The following PDZRN3 variants were observed in gnomAD, a reference collection of about 807,000 sequenced individuals.
PDZRN3 encodes the protein E3 ubiquitin-protein ligase PDZRN3.
A neutral mutation model predicts 85.7 loss-of-function variants in PDZRN3; 38 were observed. The ratio of observed to expected loss-of-function variants is 0.44; its 90% CI spans 0.34 to 0.58. The LOEUF (loss-of-function observed/expected upper bound fraction) is 0.58, where lower values mean the gene tolerates loss of function less well. Among genes scored for constraint, PDZRN3 ranks in the 20% least tolerant of loss-of-function variants. PDZRN3 has a pLI of 0.01. For synonymous variants in PDZRN3, 759 were observed against 638.0 expected (o/e 1.19, Z -2.86); for missense variants, 1,629 against 1,506.4 (o/e 1.08, Z -1.35).
intron 3 of PDZRN3, 115 bp from the exon 4 acceptor site, chr3:73,404,510 G>A: frequency 2.6e-6 from 3 of 1,148,628 alleles, no homozygotes; most frequent in African/African-American, 1.5e-5. Flanking sequence ...AGCAGGTGGT[G>A]GTGTCAGAGA....
In PDZRN3 at chr3:73,533,189, C is replaced by T. The variant is rs1301100059; in HGVS notation, c.918+69165G>A. ...TTCTAATAACCTCATCTAGCAATCT[C>T]TCTTAATTAAGTTAACTTAATCAAG... is the stretch of plus-strand genomic sequence containing the variant. On this transcript the variant is annotated intron_variant, in intron 3 of 9. Transcript: ENST00000263666. Among the ~76,000 whole-genome samples, 10 of 152,202 alleles carry T rather than the reference C, an allele frequency of 6.6e-5. 1 individual carries two copies. The highest frequency in any genetic ancestry group is 1.5e-4 in the Non-Finnish European group (10 of 68,030).
At position 73,384,331 on chromosome 3, in the gene PDZRN3, C is replaced by CT; in HGVS notation, c.2234dup (p.Leu746AlafsTer78). The CT allele has an allele frequency of 6.2e-7, 1 of 1,611,638 alleles. No homozygotes were observed. The highest frequency in any genetic ancestry group is 8.5e-7 in the Non-Finnish European group (1 of 1,179,966). ...TGTCCTTGTCGGATTTCTCCGGGAG[C>CT]TCGGTGATATCTGAGAGCTCGTGTC... is the stretch of plus-strand genomic sequence containing the variant. On this transcript the variant is annotated frameshift_variant, in exon 10 of 10. Transcript: ENST00000263666. LOFTEE classifies it high-confidence loss of function.
intron 3 of PDZRN3, among the ~76,000 whole-genome samples, chr3:73,454,933 T>C (rs1015792088): frequency 3.3e-5 from 5 of 152,104 alleles, no homozygotes; most frequent in Non-Finnish European, 7.4e-5. Flanking sequence ...GACTGACTTA[T>C]CATCTGTAAG....
At chr3:73,454,676 C>G (rs1702942916) in intron 3 of PDZRN3, among the ~76,000 whole-genome samples, 1 of 152,080 alleles carries the variant, frequency 6.6e-6, no homozygotes, top group African/African-American at 2.4e-5. Flanking sequence ...TAATATTGAC[C>G]ATTAATCCAC....
intron 3 of PDZRN3, among the ~76,000 whole-genome samples, chr3:73,446,599 A>T (rs116333033): frequency 0.015 from 2,326 of 152,306 alleles, 75 homozygotes; most frequent in African/African-American, 0.053. Context: ...CAGAATACTC[A>T]CTACACTTTC....
At chr3:73,518,654 A>G (rs1047407851) in intron 3 of PDZRN3, among the ~76,000 whole-genome samples, 2 of 152,192 alleles carry the variant, frequency 1.3e-5, no homozygotes, top group Non-Finnish European at 2.9e-5. Flanking sequence ...TCATAGTTCC[A>G]GAGGCTGAGA....
chr3:73,465,769 C>A (rs1004020515), intron 3 of PDZRN3, among the ~76,000 whole-genome samples: 2 of 152,162 alleles, frequency 1.3e-5, no homozygotes, highest in Non-Finnish European at 2.9e-5. Context: ...TCTACTGCCA[C>A]GGGGATTTAT....
At chr3:73,550,822 C>T (rs1701535521) in intron 3 of PDZRN3, among the ~76,000 whole-genome samples, 2 of 152,174 alleles carry the variant, frequency 1.3e-5, no homozygotes, top group Non-Finnish European at 1.5e-5. Context: ...AAAACAAAAA[C>T]ACGCTGTTTC....
chr3:73,392,044 GTCT>G lies in PDZRN3; in HGVS notation c.1255-931_1255-929del, dbSNP rs562439320. Among the ~76,000 whole-genome samples the G allele has an allele frequency of 1.1e-3, 165 of 152,332 alleles. 1 individual carries two copies. Among genetic ancestry groups the G allele is most frequent in the Middle Eastern group, 3.4e-3 (1 of 294 alleles). ...TATTTCCAAGTGGTCTCTCTCAAGG[GTCT>G]TCTTAGCGGGGAAGGAGAATGCAGC... On this transcript the variant is annotated intron_variant, in intron 5 of 9. Coordinates refer to ENST00000263666, the MANE Select transcript of PDZRN3 (RefSeq NM_015009.3).
At chr3:73,560,799 G>A (rs1701799725) in intron 3 of PDZRN3, among the ~76,000 whole-genome samples, 1 of 152,294 alleles carries the variant, frequency 6.6e-6, no homozygotes, top group South Asian at 2.1e-4. Flanking sequence ...CCAGAAAACA[G>A]CATTATTAGG....
chr3:73,491,699 A>G (rs1703774584), intron 3 of PDZRN3, among the ~76,000 whole-genome samples: 1 of 150,830 alleles, frequency 6.6e-6, no homozygotes, highest in African/African-American at 2.4e-5. Flanking sequence ...CCTGGACTCA[A>G]GCAATCCTCC....
intron 3 of PDZRN3, among the ~76,000 whole-genome samples, chr3:73,528,885 A>AACACACACACACAC (rs56134399): frequency 2.7e-5 from 4 of 146,774 alleles, no homozygotes; most frequent in African/African-American, 1.0e-4. Flanking sequence ...TTTTGTGGGA[A>AACACACACACACAC]ACACACACAC....
intron 3 of PDZRN3, among the ~76,000 whole-genome samples, chr3:73,547,263 T>C (rs1487037098): frequency 6.6e-6 from 1 of 152,264 alleles, no homozygotes; most frequent in African/African-American, 2.4e-5. Context: ...GGAATCTTCA[T>C]GGCAGTAGAT....
chr3:73,452,839 C>CTCTG (rs1553690746), intron 3 of PDZRN3, among the ~76,000 whole-genome samples: 58 of 140,718 alleles, frequency 4.1e-4, no homozygotes, highest in South Asian at 9.5e-4. Context: ...GTCCATATAT[C>CTCTG]TGTGTGTGTG....
chr3:73,432,407 T>C (rs1463585174), intron 3 of PDZRN3, among the ~76,000 whole-genome samples: 2 of 152,226 alleles, frequency 1.3e-5, no homozygotes, highest in Non-Finnish European at 2.9e-5. Context: ...ACAAGACTTA[T>C]TTAAGATGCT....
chr3:73,590,121 T>G (rs944645580), intron 3 of PDZRN3, among the ~76,000 whole-genome samples: 1 of 150,186 alleles, frequency 6.7e-6, no homozygotes, highest in East Asian at 2.0e-4. Flanking sequence ...ATACAAAAAT[T>G]AGTTGAGTGT....
At chr3:73,493,162 T>C (rs1232864365) in intron 3 of PDZRN3, among the ~76,000 whole-genome samples, 1 of 151,924 alleles carries the variant, frequency 6.6e-6, no homozygotes, top group Non-Finnish European at 1.5e-5. Flanking sequence ...TTACTGCAGG[T>C]GAGGGCTCTT....
intron 3 of PDZRN3, among the ~76,000 whole-genome samples, chr3:73,586,402 C>T (rs1181000954): frequency 6.6e-6 from 1 of 152,162 alleles, no homozygotes; most frequent in Non-Finnish European, 1.5e-5. Flanking sequence ...GCAGTTTTAC[C>T]CTCAGAAGTT....
At chr3:73,494,085 C>A (rs556352027) in intron 3 of PDZRN3, among the ~76,000 whole-genome samples, 1 of 152,128 alleles carries the variant, frequency 6.6e-6, no homozygotes, top group Admixed American at 6.5e-5. Context: ...ATTTGCTTTT[C>A]GCTATGTTTT....
Sources: allele counts gnomAD v4.1 joint callset (sites outside exome capture counted in the v4.1 genomes callset), GRCh38; gene constraint gnomAD v4.1.1; transcripts MANE v1.5; gene names NCBI Gene and HGNC (gene_info 2026-07-23, HGNC 2026-07-21).